Variants in RTN1 observed in about 807,000 individuals in gnomAD.
RTN1 encodes reticulon-1.
A neutral mutation model predicts 65.5 loss-of-function variants in RTN1; 25 were observed. The observed-to-expected ratio is 0.38, with a 90% CI of 0.28 to 0.53. The LOEUF (loss-of-function observed/expected upper bound fraction) is 0.53, where lower values mean the gene tolerates loss of function less well. Among genes scored for constraint, RTN1 ranks in the 20% least tolerant of loss-of-function variants. The probability of loss-of-function intolerance (pLI) is 0.79; values close to 1 mark genes in which losing one functional copy is unlikely to be tolerated. For missense variants in RTN1, 983 were observed against 1,025.4 expected, an observed-to-expected ratio of 0.96 and a Z score of 0.57; for synonymous variants, 471 against 447.6, an observed-to-expected ratio of 1.05 and a Z score of -0.66.
intron 3 of RTN1, among the ~76,000 whole-genome samples, chr14:59,658,276 G>A (rs1883167720): frequency 1.3e-5 from 2 of 152,232 alleles, no homozygotes; most frequent in African/African-American, 2.4e-5. Context: ...AAAACTCCCA[G>A]TTCCCTGCAA....
intron 3 of RTN1, 50 bp from the exon 4 acceptor site, chr14:59,607,542 A>G: frequency 6.7e-7 from 1 of 1,494,452 alleles, no homozygotes; most frequent in Non-Finnish European, 9.1e-7. Flanking sequence ...GTGCCGCCAC[A>G]TGAGCCGCTG....
At chr14:59,690,194 A>C (rs973266545) in intron 3 of RTN1, among the ~76,000 whole-genome samples, 1 of 152,014 alleles carries the variant, frequency 6.6e-6, no homozygotes, top group African/African-American at 2.4e-5. Flanking sequence ...AAAAAAGTAC[A>C]TCAGTCTGCT....
chr14:59,607,581 G>T, intron 3 of RTN1, 89 bp from the exon 4 acceptor site: 1 of 1,154,056 alleles, frequency 8.7e-7, no homozygotes, highest in Non-Finnish European at 1.3e-6. Flanking sequence ...TGTGGTTGCT[G>T]TGGGTTCTCA....
intron 2 of RTN1, among the ~76,000 whole-genome samples, chr14:59,740,024 C>T (rs1885085237): frequency 6.6e-6 from 1 of 152,152 alleles, no homozygotes; most frequent in Non-Finnish European, 1.5e-5. Context: ...AGGCTGGTGC[C>T]CACTCATTCT....
At chr14:59,869,031 G>A (rs966422847) in intron 1 of RTN1, among the ~76,000 whole-genome samples, 34 of 152,144 alleles carry the variant, frequency 2.2e-4, no homozygotes, top group African/African-American at 7.7e-4. Context: ...GGCGTTTGGC[G>A]TTGGGGCTTT....
At chr14:59,674,751 G>T (rs1566681337) in intron 3 of RTN1, among the ~76,000 whole-genome samples, 1 of 152,142 alleles carries the variant, frequency 6.6e-6, no homozygotes, top group African/African-American at 2.4e-5. Flanking sequence ...GTATAATTCT[G>T]AAATGAAAGA....
chr14:59,659,263 A>G (rs1204504081), intron 3 of RTN1, among the ~76,000 whole-genome samples: 1 of 152,204 alleles, frequency 6.6e-6, no homozygotes, highest in African/African-American at 2.4e-5. Flanking sequence ...CCTACATTTG[A>G]TTGGTGTACC....
intron 3 of RTN1, among the ~76,000 whole-genome samples, chr14:59,710,045 C>CTTTT (rs11353177): frequency 8.7e-4 from 96 of 110,762 alleles, no homozygotes; most frequent in African/African-American, 2.6e-3. Flanking sequence ...CTCTTTCTTT[C>CTTTT]TTTTTTTTTT....
intron 3 of RTN1, among the ~76,000 whole-genome samples, chr14:59,720,904 AC>A (rs1884633621): frequency 6.6e-6 from 1 of 152,106 alleles, no homozygotes; most frequent in Admixed American, 6.6e-5. Context: ...GGAATCTAAC[AC>A]CTGTATTGTG....
intron 3 of RTN1, among the ~76,000 whole-genome samples, chr14:59,617,610 G>A (rs1398735294): frequency 2.6e-5 from 4 of 152,156 alleles, no homozygotes; most frequent in African/African-American, 9.7e-5. Flanking sequence ...ACTGTTGTTA[G>A]CTGTTCTTGA....
At chr14:59,672,790 G>A (rs536245372) in intron 3 of RTN1, among the ~76,000 whole-genome samples, 122 of 150,202 alleles carry the variant, frequency 8.1e-4, no homozygotes, top group Non-Finnish European at 1.6e-3. Context: ...ACAGGCGCCC[G>A]CCACCGCGCC....
intron 3 of RTN1, among the ~76,000 whole-genome samples, chr14:59,693,083 C>A (rs1332360115): frequency 6.6e-6 from 1 of 152,110 alleles, no homozygotes; most frequent in Non-Finnish European, 1.5e-5. Flanking sequence ...GCTTAGTCCC[C>A]TTATAAAAGA....
intron 2 of RTN1, among the ~76,000 whole-genome samples, chr14:59,735,691 T>C (rs1884988434): frequency 6.6e-6 from 1 of 152,162 alleles, no homozygotes; most frequent in African/African-American, 2.4e-5. Flanking sequence ...GAGCTAACTA[T>C]CCTAAATACA....
In RTN1 at chr14:59,750,193, T is replaced by A. The variant is rs1243348117; in HGVS notation, c.242-3712A>T. On this transcript the variant is annotated intron_variant, in intron 1 of 8. Transcript: ENST00000267484. Reference sequence around the variant, plus strand: ...TATCTATAATATATAATACATATATTATATCTATAATATATAATATATATA... The same window carrying A: ...TATCTATAATATATAATACATATATAATATCTATAATATATAATATATATA... Among the ~76,000 whole-genome samples the A allele has an allele frequency of 9.7e-5, 7 of 72,134 alleles. No individual in the cohort carries two copies. The East Asian group carries it at 2.8e-3, about 29-fold the overall frequency. 47.3% of individuals were successfully genotyped at this position (72,134 alleles called of 152,430 possible). A position where few individuals can be genotyped will look rare whatever the true frequency, so the allele number is the denominator to read the frequency against.
chr14:59,703,538 C>T (rs547579437), intron 3 of RTN1, among the ~76,000 whole-genome samples: 1 of 152,320 alleles, frequency 6.6e-6, no homozygotes, highest in East Asian at 1.9e-4. Context: ...CCTGCAAAGC[C>T]TGCAGAACCA....
At chr14:59,750,080 T>C (rs1885418341) in intron 1 of RTN1, among the ~76,000 whole-genome samples, 1 of 69,056 alleles carries the variant, frequency 1.4e-5, no homozygotes, top group Non-Finnish European at 2.4e-5. Context: ...TATTATATAT[T>C]ATAGACATAT....
intron 1 of RTN1, among the ~76,000 whole-genome samples, chr14:59,769,373 C>T (rs1473104476): frequency 1.3e-5 from 2 of 152,108 alleles, no homozygotes; most frequent in Non-Finnish European, 2.9e-5. Context: ...GCTTAAAGTG[C>T]TAGTTACACA....
intron 1 of RTN1, among the ~76,000 whole-genome samples, chr14:59,828,533 G>A (rs575854536): frequency 6.6e-6 from 1 of 152,290 alleles, no homozygotes; most frequent in East Asian, 1.9e-4. Flanking sequence ...ATGGGGCCCA[G>A]AGGGAAGGTT....
chr14:59,795,263 C>G (rs950081714), intron 1 of RTN1, among the ~76,000 whole-genome samples: 1 of 152,154 alleles, frequency 6.6e-6, no homozygotes, highest in Non-Finnish European at 1.5e-5. Context: ...AGTAGCATAA[C>G]AAGTGTGAGC....
Sources: allele counts gnomAD v4.1 joint callset (sites outside exome capture counted in the v4.1 genomes callset), GRCh38; gene constraint gnomAD v4.1.1; transcripts MANE v1.5; gene names NCBI Gene and HGNC (gene_info 2026-07-23, HGNC 2026-07-21).